The following MYO1B variants were observed in gnomAD, a reference collection of about 807,000 sequenced individuals.
The protein encoded by MYO1B is myosin IB.
MYO1B carries 72 observed loss-of-function variants against 159.7 expected under a neutral mutation model. The ratio of observed to expected loss-of-function variants is 0.45; its 90% CI spans 0.37 to 0.55. The LOEUF (loss-of-function observed/expected upper bound fraction) is 0.55. Among genes scored for constraint, MYO1B ranks in the 20% least tolerant of loss-of-function variants. The pLI, the probability that MYO1B is intolerant of heterozygous loss-of-function variation, is 0.00. For missense variants in MYO1B, 1,062 were observed against 1,364.8 expected (o/e 0.78, Z 3.50); for synonymous variants, 468 against 473.8 (o/e 0.99, Z 0.16).
At chr2:191,272,748 C>A (rs1275390464) in intron 1 of MYO1B, among the ~76,000 whole-genome samples, 1 of 152,152 alleles carries the variant, frequency 6.6e-6, no homozygotes, top group Non-Finnish European at 1.5e-5. Context: ...ATGCCACAGG[C>A]ATAAAGGTCC....
chr2:191,296,272 T>A, intron 3 of MYO1B, 46 bp downstream of exon 3: 1 of 1,162,250 alleles, frequency 8.6e-7, no homozygotes, highest in Non-Finnish European at 1.2e-6. Flanking sequence ...ACTCCAGAGA[T>A]GTGTAGTTGA....
intron 13 of MYO1B, among the ~76,000 whole-genome samples, chr2:191,374,330 A>G (rs1694562453): frequency 6.6e-6 from 1 of 152,108 alleles, no homozygotes; most frequent in African/African-American, 2.4e-5. Flanking sequence ...GATAACATGT[A>G]TTTTTTTATT....
intron 6 of MYO1B, among the ~76,000 whole-genome samples, chr2:191,347,553 A>G (rs1692646804): frequency 6.6e-6 from 1 of 152,240 alleles, no homozygotes. Flanking sequence ...AAAAACCCAT[A>G]TTGCTTAAAA....
chr2:191,357,075 T>C (rs1421564895), intron 7 of MYO1B, among the ~76,000 whole-genome samples: 1 of 152,168 alleles, frequency 6.6e-6, no homozygotes, highest in African/African-American at 2.4e-5. Context: ...GAGAGGAGAG[T>C]ATACATAAAA....
chr2:191,371,533 G>A (rs2126041798), intron 13 of MYO1B, among the ~76,000 whole-genome samples: 1 of 152,290 alleles, frequency 6.6e-6, no homozygotes, highest in African/African-American at 2.4e-5. Context: ...AGATGAGAAA[G>A]TAAAGCTCCT....
In MYO1B at chr2:191,255,022, GGCACAA is replaced by G. The variant is rs899825503; in HGVS notation, c.-10+9398_-10+9403del. On this transcript the variant is annotated intron_variant, in intron 1 of 30. Coordinates refer to ENST00000392318, the MANE Select transcript of MYO1B (RefSeq NM_001130158.3). Reference sequence around the variant, plus strand: ...AGCTCACTGCAGGATCGAACTCCTGGGCACAAGTGATCCTCCTGTCTCCACCTCCCA... The same window carrying G: ...AGCTCACTGCAGGATCGAACTCCTGGGTGATCCTCCTGTCTCCACCTCCCA... Among the ~76,000 whole-genome samples, 10 of 151,994 alleles carry G rather than the reference GGCACAA, an allele frequency of 6.6e-5. 1 individual carries two copies. Among genetic ancestry groups the G allele is most frequent in the African/African-American group, 2.2e-4 (9 of 41,386 alleles).
intron 7 of MYO1B, among the ~76,000 whole-genome samples, chr2:191,353,550 G>A (rs1693064742): frequency 6.6e-6 from 1 of 152,214 alleles, no homozygotes; most frequent in African/African-American, 2.4e-5. Context: ...CAAGAGTCTA[G>A]TGTAATACCT....
At chr2:191,271,842 G>A (rs1687472860) in intron 1 of MYO1B, among the ~76,000 whole-genome samples, 2 of 152,162 alleles carry the variant, frequency 1.3e-5, no homozygotes, top group African/African-American at 2.4e-5. Flanking sequence ...GTTTTGTGTA[G>A]CCATCTCTGT....
At chr2:191,411,195 A>AT in intron 27 of MYO1B, 23 bp downstream of exon 27, 1 of 1,451,426 alleles carries the variant, frequency 6.9e-7, no homozygotes, top group African/African-American at 1.4e-5. Context: ...TGCTTTACCC[A>AT]TAAAATTCAG....
intron 1 of MYO1B, among the ~76,000 whole-genome samples, chr2:191,260,142 T>C (rs1686707598): frequency 6.6e-6 from 1 of 152,150 alleles, no homozygotes; most frequent in South Asian, 2.1e-4. Flanking sequence ...GGGTTTCCTT[T>C]CTTTTCAAGA....
At chr2:191,253,957 G>A (rs1034456071) in intron 1 of MYO1B, among the ~76,000 whole-genome samples, 4 of 151,988 alleles carry the variant, frequency 2.6e-5, no homozygotes, top group African/African-American at 9.7e-5. Context: ...CTTTCATACC[G>A]CTTGTTAGAT....
At chr2:191,324,938 A>C (rs954360467) in intron 3 of MYO1B, among the ~76,000 whole-genome samples, 2 of 152,192 alleles carry the variant, frequency 1.3e-5, no homozygotes, top group Non-Finnish European at 2.9e-5. Context: ...TGAATTAAGA[A>C]TATGAGACAA....
rs773210645 is a variant in MYO1B, at chr2:191,363,880, A to T, written c.913+5A>T. ...GCAAAATCAAAGATAAAAATGGTAC[A>T]TCCGTGGAGAATCAACTTTGTTTGT... On this transcript the variant is annotated splice_donor_5th_base_variant and intron_variant, in intron 10 of 30. Transcript: ENST00000392318. The T allele has an allele frequency of 6.2e-7, 1 of 1,612,316 alleles. No individual in the cohort carries two copies. The highest frequency in any genetic ancestry group is 1.1e-5 in the South Asian group (1 of 90,738).
intron 24 of MYO1B, among the ~76,000 whole-genome samples, chr2:191,406,097 C>T (rs768893384): frequency 1.1e-4 from 16 of 152,226 alleles, no homozygotes; most frequent in Admixed American, 2.0e-4. Flanking sequence ...TCTATCAGCA[C>T]TTGCTGCTTC....
At chr2:191,406,732 G>A (rs1331399977) in intron 24 of MYO1B, among the ~76,000 whole-genome samples, 1 of 152,180 alleles carries the variant, frequency 6.6e-6, no homozygotes, top group Non-Finnish European at 1.5e-5. Context: ...GACAGACACA[G>A]AATGAGCACA....
intron 2 of MYO1B, among the ~76,000 whole-genome samples, chr2:191,280,486 G>A (rs968063644): frequency 6.6e-6 from 1 of 152,204 alleles, no homozygotes; most frequent in Non-Finnish European, 1.5e-5. Context: ...TCCAGGCTTT[G>A]CATTCCCGCA....
At chr2:191,412,248 G>A (rs544866562) in intron 27 of MYO1B, among the ~76,000 whole-genome samples, 1 of 152,248 alleles carries the variant, frequency 6.6e-6, no homozygotes, top group South Asian at 2.1e-4. Context: ...GCTTGCTTCA[G>A]CAACTAATTT....
chr2:191,323,223 G>A (rs1041768727), intron 3 of MYO1B, among the ~76,000 whole-genome samples: 2 of 152,064 alleles, frequency 1.3e-5, no homozygotes, highest in African/African-American at 4.8e-5. Flanking sequence ...AGTTTTGGCT[G>A]GCTTTTTTTT....
intron 26 of MYO1B, 150 bp downstream of exon 26, chr2:191,409,328 T>C (rs1697123011): frequency 9.8e-6 from 9 of 920,766 alleles, no homozygotes; most frequent in Middle Eastern, 3.5e-4. Flanking sequence ...ATGCACCATA[T>C]TGAGTTTCTA....
Sources: allele counts gnomAD v4.1 joint callset (sites outside exome capture counted in the v4.1 genomes callset), GRCh38; gene constraint gnomAD v4.1.1; transcripts MANE v1.5; gene names NCBI Gene and HGNC (gene_info 2026-07-23, HGNC 2026-07-21).